CREB5: variants seen among roughly 807,000 people sequenced by gnomAD.
CREB5 encodes cAMP responsive element binding protein 5, also known as cyclic AMP-responsive element-binding protein 5.
Under a neutral mutation model 57.1 loss-of-function variants are expected in CREB5, and 19 were observed. The observed-to-expected ratio is 0.33, with a 90% CI of 0.23 to 0.49. CREB5 has a LOEUF of 0.49. Among genes scored for constraint, CREB5 ranks in the 20% least tolerant of loss-of-function variants. The pLI is 0.99. For missense variants in CREB5, 579 were observed against 671.6 expected (o/e 0.86, Z 1.52); for synonymous variants, 238 against 238.3 (o/e 1.00, Z 0.01).
intron 1 of CREB5, among the ~76,000 whole-genome samples, chr7:28,366,916 A>C (rs1786598537): frequency 6.6e-6 from 1 of 152,200 alleles, no homozygotes; most frequent in South Asian, 2.1e-4. Context: ...CATGAAAGGA[A>C]GTTGGGATGG....
intron 5 of CREB5, among the ~76,000 whole-genome samples, chr7:28,706,347 A>G (rs527827912): frequency 6.7e-6 from 1 of 149,020 alleles, no homozygotes; most frequent in African/African-American, 2.5e-5. Context: ...CAAGAGTAAA[A>G]CTCCATCTCA....
chr7:28,816,267 A>C (rs953558909), intron 9 of CREB5, among the ~76,000 whole-genome samples: 18 of 152,292 alleles, frequency 1.2e-4, no homozygotes, highest in African/African-American at 4.3e-4. Context: ...AAAGAGGAAG[A>C]AGTTAGTGTT....
At chr7:28,707,187 C>A (rs1217191495) in intron 5 of CREB5, among the ~76,000 whole-genome samples, 1 of 152,104 alleles carries the variant, frequency 6.6e-6, no homozygotes, top group Non-Finnish European at 1.5e-5. Flanking sequence ...ATGCTTCACC[C>A]CCAAATTTAG....
chr7:28,687,552 A>G (rs1182329575), intron 5 of CREB5, among the ~76,000 whole-genome samples: 1 of 149,204 alleles, frequency 6.7e-6, no homozygotes. Context: ...ATTACTAGAT[A>G]GTAATAAACT....
chr7:28,486,398 C>T (rs895617843), intron 1 of CREB5, among the ~76,000 whole-genome samples: 2 of 151,578 alleles, frequency 1.3e-5, no homozygotes, highest in Non-Finnish European at 2.9e-5. Context: ...GGTGATTATT[C>T]TATGACTCCA....
intron 7 of CREB5, among the ~76,000 whole-genome samples, chr7:28,780,090 G>A (rs1428976987): frequency 1.3e-5 from 2 of 151,982 alleles, no homozygotes; most frequent in African/African-American, 4.8e-5. Flanking sequence ...TTTTTATTTC[G>A]CCAACTGGAC....
At chr7:28,431,172 C>T (rs1165947645) in intron 1 of CREB5, among the ~76,000 whole-genome samples, 1 of 152,178 alleles carries the variant, frequency 6.6e-6, no homozygotes, top group Non-Finnish European at 1.5e-5. Context: ...AGTGACATCC[C>T]ATCTCATTTG....
chr7:28,800,047 CA>C, intron 7 of CREB5, among the ~76,000 whole-genome samples: 1 of 152,284 alleles, frequency 6.6e-6, no homozygotes, highest in Admixed American at 6.5e-5. Context: ...TAACACTGAG[CA>C]AACTCTAACA....
intron 1 of CREB5, among the ~76,000 whole-genome samples, chr7:28,360,977 A>C (rs1372633105): frequency 2.0e-5 from 3 of 152,136 alleles, no homozygotes; most frequent in African/African-American, 7.2e-5. Context: ...TGCTACCAGC[A>C]TCTAGTAGAT....
chr7:28,565,931 A>G (rs894217975), intron 4 of CREB5, among the ~76,000 whole-genome samples: 6 of 152,200 alleles, frequency 3.9e-5, no homozygotes, highest in African/African-American at 1.4e-4. Context: ...AAAATAAAAA[A>G]CAAAAGAAAT....
At position 28,560,919 on chromosome 7, in the gene CREB5, T is replaced by TGTGCGTGCGCGAGTGTGCGTGC. The variant is rs1180392566; in HGVS notation, c.292-9441_292-9440insTGCGCGAGTGTGCGTGCGTGCG. 4.7e-5 allele frequency among the ~76,000 whole-genome samples: 2 copies of TGTGCGTGCGCGAGTGTGCGTGC among 42,990 alleles called. 1 individual carries two copies. The highest frequency in any genetic ancestry group is 9.0e-5 in the Non-Finnish European group (2 of 22,258). The allele number at this position is 42,990 out of a possible 152,430, so 28.2% of individuals were successfully genotyped here. ...GTGCGTGCGCGCGTGCGTGTGCGTG[T>TGTGCGTGCGCGAGTGTGCGTGC]GTGCGCGTGCGTGTGTGCGTGCGTG... On this transcript the variant is annotated intron_variant, in intron 4 of 10. Coordinates refer to ENST00000357727, the MANE Select transcript of CREB5 (RefSeq NM_182898.4).
chr7:28,385,699 G>A (rs1438491130), intron 1 of CREB5, among the ~76,000 whole-genome samples: 1 of 151,420 alleles, frequency 6.6e-6, no homozygotes, highest in Non-Finnish European at 1.5e-5. Context: ...GTATGTATAT[G>A]AGAATGAAAA....
intron 7 of CREB5, among the ~76,000 whole-genome samples, chr7:28,725,295 C>T (rs1226198137): frequency 2.0e-5 from 3 of 152,182 alleles, no homozygotes; most frequent in Non-Finnish European, 4.4e-5. Context: ...CCAGTGACTT[C>T]CTTTTCAATG....
chr7:28,642,993 C>T (rs796081760), intron 5 of CREB5, among the ~76,000 whole-genome samples: 3,021 of 101,380 alleles, frequency 0.03, 24 homozygotes, highest in Admixed American at 0.07. Context: ...CACATACACA[C>T]ACACACACAC....
At chr7:28,524,219 G>T (rs957106678) in intron 4 of CREB5, among the ~76,000 whole-genome samples, 13 of 152,044 alleles carry the variant, frequency 8.6e-5, no homozygotes, top group Non-Finnish European at 4.4e-5. Context: ...GCTCATGCCT[G>T]TGAGCTCAGC....
chr7:28,687,910 G>A (rs1030896393), intron 5 of CREB5, among the ~76,000 whole-genome samples: 2 of 152,154 alleles, frequency 1.3e-5, no homozygotes, highest in African/African-American at 4.8e-5. Flanking sequence ...TAAAGAGCAG[G>A]AAAGGGCAAG....
intron 5 of CREB5, among the ~76,000 whole-genome samples, chr7:28,574,370 C>A (rs927136714): frequency 1.3e-5 from 2 of 152,198 alleles, no homozygotes; most frequent in African/African-American, 2.4e-5. Flanking sequence ...GGGAAAATGG[C>A]AGAAGGGTAG....
intron 3 of CREB5, among the ~76,000 whole-genome samples, chr7:28,505,143 T>C (rs1478415070): frequency 1.3e-5 from 2 of 152,220 alleles, no homozygotes; most frequent in African/African-American, 2.4e-5. Flanking sequence ...GTGTAAAAAC[T>C]AATGAGATGC....
At chr7:28,410,187 A>C (rs1347610379), upstream of CREB5, 1 of 448,506 alleles carries the variant, frequency 2.2e-6, no homozygotes, top group Admixed American at 2.4e-5. Context: ...TCGCCCTCGG[A>C]GGGCGCTTGG....
Sources: allele counts gnomAD v4.1 joint callset (sites outside exome capture counted in the v4.1 genomes callset), GRCh38; gene constraint gnomAD v4.1.1; transcripts MANE v1.5; gene names NCBI Gene and HGNC (gene_info 2026-07-23, HGNC 2026-07-21).